The following ARHGEF10L variants were observed in gnomAD, a reference collection of about 807,000 sequenced individuals.
ARHGEF10L encodes the protein rho guanine nucleotide exchange factor 10-like protein.
In ARHGEF10L, 69 loss-of-function variants were observed where a neutral mutation model predicts 141.2. That is an observed-to-expected ratio of 0.49 (90% CI 0.40 to 0.60). The LOEUF (loss-of-function observed/expected upper bound fraction) is 0.60. ARHGEF10L is among the 20% of genes least tolerant of loss of function. The probability of loss-of-function intolerance (pLI) is 0.00; values close to 1 mark genes in which losing one functional copy is unlikely to be tolerated. For synonymous variants in ARHGEF10L, 711 were observed against 718.5 expected (o/e 0.99, Z 0.17); for missense variants, 1,482 against 1,734.3 (o/e 0.85, Z 2.58).
intron 4 of ARHGEF10L, among the ~76,000 whole-genome samples, chr1:17,593,586 G>A (rs2079791868): frequency 6.6e-6 from 1 of 152,062 alleles, no homozygotes; most frequent in African/African-American, 2.4e-5. Flanking sequence ...AGGAATGCAG[G>A]TGGCTTCTCG....
chr1:17,597,807 A>C lies in ARHGEF10L; in HGVS notation c.258-4320A>C, dbSNP rs148498860. Among the ~76,000 whole-genome samples, 130 of 152,270 alleles carry C rather than the reference A, an allele frequency of 8.5e-4. 3 individuals are homozygous for C. In the East Asian group the frequency reaches 0.018, roughly 21 times the overall value. On this transcript the variant is annotated intron_variant, in intron 4 of 28. Transcript: ENST00000361221. ...TGGGCTGGTCGCTCACTGGGTTTTGATAAGGTGCAGCGAGGAGGAGCCTCC... is the reference window on the plus strand; with the variant it reads ...TGGGCTGGTCGCTCACTGGGTTTTGCTAAGGTGCAGCGAGGAGGAGCCTCC...
intron 14 of ARHGEF10L, among the ~76,000 whole-genome samples, chr1:17,626,737 G>A (rs147282351): frequency 1.4e-4 from 22 of 152,300 alleles, no homozygotes; most frequent in East Asian, 3.9e-4. Flanking sequence ...ATCCTGAACC[G>A]AAACTCTGCC....
intron 4 of ARHGEF10L, among the ~76,000 whole-genome samples, chr1:17,593,791 A>G (rs2079819558): frequency 6.6e-6 from 1 of 152,026 alleles, no homozygotes; most frequent in Non-Finnish European, 1.5e-5. Flanking sequence ...TACAGCAGCC[A>G]TAGGAAACTA....
chr1:17,613,798 C>T (rs757056587), intron 8 of ARHGEF10L, among the ~76,000 whole-genome samples: 3 of 152,224 alleles, frequency 2.0e-5, no homozygotes, highest in Non-Finnish European at 4.4e-5. Flanking sequence ...GGTCTGTGGG[C>T]CTGGTTTGAA....
intron 18 of ARHGEF10L, among the ~76,000 whole-genome samples, chr1:17,636,937 C>T (rs2061037038): frequency 6.6e-6 from 1 of 152,128 alleles, no homozygotes; most frequent in Non-Finnish European, 1.5e-5. Flanking sequence ...CCTGGACCCT[C>T]CTGCTCTATC....
At chr1:17,643,345 A>T (rs575311033) in intron 21 of ARHGEF10L, among the ~76,000 whole-genome samples, 47 of 152,182 alleles carry the variant, frequency 3.1e-4, no homozygotes, top group African/African-American at 1.1e-3. Context: ...GATCTGGGAG[A>T]GGGGATCAGC....
intron 4 of ARHGEF10L, among the ~76,000 whole-genome samples, chr1:17,591,907 C>T (rs1478111742): frequency 1.3e-5 from 2 of 152,180 alleles, no homozygotes; most frequent in Admixed American, 1.3e-4. Context: ...ATTGAATATG[C>T]CCATTTTGCA....
intron 1 of ARHGEF10L, among the ~76,000 whole-genome samples, chr1:17,569,757 T>A (rs2077914841): frequency 6.6e-6 from 1 of 152,172 alleles, no homozygotes; most frequent in African/African-American, 2.4e-5. Context: ...AAGGCTGGGG[T>A]ATGTGCCTGC....
Position 17,603,778 on chromosome 1 carries a change from C to T in ARHGEF10L, c.433+187C>T, listed in dbSNP as rs916043916. Among the ~76,000 whole-genome samples the T allele has an allele frequency of 1.3e-5, 2 of 152,224 alleles. No individual in the cohort carries two copies. The highest frequency in any genetic ancestry group is 2.9e-5 in the Non-Finnish European group (2 of 68,038). Reference sequence around the variant, plus strand: ...TGGCTGAGGGCGTGGCCACCGGGGCCGGGCAGGGCTTGGGCATCATGGGCA... The same window carrying T: ...TGGCTGAGGGCGTGGCCACCGGGGCTGGGCAGGGCTTGGGCATCATGGGCA... On this transcript the variant is annotated intron_variant, in intron 6 of 28. Coordinates refer to ENST00000361221, the MANE Select transcript of ARHGEF10L (RefSeq NM_018125.4). The surrounding 1 kb of genome is among the most constrained non-coding windows in gnomAD (Gnocchi z 4.8).
At chr1:17,520,598 C>T in the ARHGEF10L span, among the ~76,000 whole-genome samples, 1 of 152,224 alleles carries the variant, frequency 6.6e-6, no homozygotes, top group Admixed American at 6.5e-5. Context: ...TCCCTCCCAG[C>T]AGGTGCTGGA....
the ARHGEF10L span, among the ~76,000 whole-genome samples, chr1:17,530,865 C>T: frequency 6.6e-6 from 1 of 151,814 alleles, no homozygotes; most frequent in Non-Finnish European, 1.5e-5. Context: ...ATTAGCCGGG[C>T]GTGGTGGCAG....
At chr1:17,539,161 C>T (rs2076628423), upstream of ARHGEF10L, among the ~76,000 whole-genome samples, 1 of 152,062 alleles carries the variant, frequency 6.6e-6, no homozygotes, top group Non-Finnish European at 1.5e-5. The surrounding 1 kb of genome is among the most constrained non-coding windows in gnomAD (Gnocchi z 6.0). Flanking sequence ...CTGAACCCGC[C>T]AGGGTTGTTC....
At chr1:17,667,662 A>G (rs1276068187) in intron 26 of ARHGEF10L, among the ~76,000 whole-genome samples, 2 of 152,172 alleles carry the variant, frequency 1.3e-5, no homozygotes, top group Non-Finnish European at 2.9e-5. Context: ...GAGGGAGGGG[A>G]AGCCAGAAAT....
At chr1:17,671,079 C>T (rs535362226) in intron 26 of ARHGEF10L, among the ~76,000 whole-genome samples, 2 of 152,388 alleles carry the variant, frequency 1.3e-5, no homozygotes, top group South Asian at 2.1e-4. Flanking sequence ...TCTGCACCGG[C>T]GCCTCACTGC....
the ARHGEF10L span, among the ~76,000 whole-genome samples, chr1:17,526,291 G>C: frequency 6.6e-6 from 1 of 152,212 alleles, no homozygotes; most frequent in Non-Finnish European, 1.5e-5. Flanking sequence ...AGTGATCTCT[G>C]TAAAAACCTG....
intron 16 of ARHGEF10L, 101 bp from the exon 17 acceptor site, chr1:17,634,447 G>A (rs929991923): frequency 3.5e-5 from 55 of 1,587,570 alleles, no homozygotes; most frequent in African/African-American, 1.6e-4. Context: ...TTCTATTCCC[G>A]ATGCCCAGCC....
chr1:17,516,938 A>G, the ARHGEF10L span, among the ~76,000 whole-genome samples: 2 of 152,198 alleles, frequency 1.3e-5, no homozygotes. Context: ...ACGCTGTTCT[A>G]GGTGCTATAT....
rs562491632 is a variant in ARHGEF10L at position 17,646,134 on chromosome 1, G to A, written c.2273-2420G>A. 1.2e-3 allele frequency among the ~76,000 whole-genome samples: 189 copies of A among 152,322 alleles called. 3 individuals are homozygous for A. Among genetic ancestry groups the A allele is most frequent in the Admixed American group, 0.012 (177 of 15,306 alleles). ...GGGTGTGAGCCCGCCGGGTGCTGGC[G>A]CCTTCACATCATCAAGCCTGACATT... On this transcript the variant is annotated intron_variant, in intron 21 of 28. Coordinates refer to ENST00000361221, the MANE Select transcript of ARHGEF10L (RefSeq NM_018125.4).
intron 1 of ARHGEF10L, among the ~76,000 whole-genome samples, chr1:17,553,121 C>G (rs1036858500): frequency 2.6e-5 from 4 of 152,244 alleles, no homozygotes; most frequent in African/African-American, 9.6e-5. Context: ...AGAACCCCAG[C>G]ATCCCAGACT....
Sources: allele counts gnomAD v4.1 joint callset (sites outside exome capture counted in the v4.1 genomes callset), GRCh38; gene constraint gnomAD v4.1.1; non-coding constraint Gnocchi (gnomAD v3.1); transcripts MANE v1.5; gene names NCBI Gene and HGNC (gene_info 2026-07-23, HGNC 2026-07-21).